Variants in SPATS2L observed in about 807,000 individuals in gnomAD.
SPATS2L encodes the protein SPATS2-like protein.
SPATS2L carries 30 observed loss-of-function variants against 59.6 expected under a neutral mutation model. The ratio of observed to expected loss-of-function variants is 0.50; its 90% CI spans 0.38 to 0.68. The LOEUF is 0.68. Ranked by LOEUF, SPATS2L falls within the 30% of genes least tolerant of loss-of-function variation. The pLI, the probability that SPATS2L is intolerant of heterozygous loss-of-function variation, is 0.00. For missense variants in SPATS2L, 615 were observed against 700.0 expected, an observed-to-expected ratio of 0.88 and a Z score of 1.37; for synonymous variants, 252 against 263.5, an observed-to-expected ratio of 0.96 and a Z score of 0.42.
intron 9 of SPATS2L, among the ~76,000 whole-genome samples, chr2:200,464,050 TTA>T (rs2086421989): frequency 6.6e-6 from 1 of 152,256 alleles, no homozygotes; most frequent in Non-Finnish European, 1.5e-5. Flanking sequence ...ATAATATTAA[TTA>T]AGTCTTGAAT....
chr2:200,397,849 A>G (rs955210609), intron 3 of SPATS2L, among the ~76,000 whole-genome samples: 14 of 152,024 alleles, frequency 9.2e-5, no homozygotes, highest in African/African-American at 3.1e-4. Flanking sequence ...AAACCCACAT[A>G]TTTGTTTTCT....
chr2:200,471,721 T>G (rs2087054989), intron 11 of SPATS2L, among the ~76,000 whole-genome samples: 1 of 152,164 alleles, frequency 6.6e-6, no homozygotes, highest in Non-Finnish European at 1.5e-5. Context: ...CAGCCCCAGC[T>G]TGCTGTCACA....
At chr2:200,410,184 A>C (rs909191828) in intron 3 of SPATS2L, among the ~76,000 whole-genome samples, 1 of 152,022 alleles carries the variant, frequency 6.6e-6, no homozygotes, top group Non-Finnish European at 1.5e-5. Context: ...ATTTTATGTA[A>C]TATGAACCCA....
intron 2 of SPATS2L, chr2:200,383,952 A>G: frequency 1.0e-6 from 1 of 1,002,302 alleles, no homozygotes; most frequent in Non-Finnish European, 1.2e-6. Flanking sequence ...GTGAAACTTT[A>G]TTACTGCCTA....
Position 200,479,773 on chromosome 2 carries a change from T to C in SPATS2L, c.*1742T>C, listed in dbSNP as rs1574783569. The C allele has an allele frequency of 7.5e-6, 3 of 398,582 alleles. No individual in the cohort carries two copies. The highest frequency in any genetic ancestry group is 4.4e-5 in the Admixed American group (1 of 22,716). 24.7% of individuals were successfully genotyped at this position (398,582 alleles called of 1,614,324 possible). On this transcript the variant is annotated 3_prime_UTR_variant, in exon 13 of 13. Transcript: ENST00000409140. ...CTGGTTCTCTTCCACAGAGCGGCCC[T>C]GAGCAGCTGAGCCTGCAAGCCACGC...
chr2:200,388,336 C>T (rs776919199), intron 2 of SPATS2L, among the ~76,000 whole-genome samples: 1 of 151,814 alleles, frequency 6.6e-6, no homozygotes, highest in Non-Finnish European at 1.5e-5. Flanking sequence ...TTTGGGAGGC[C>T]GAAGTGGTAG....
intron 10 of SPATS2L, among the ~76,000 whole-genome samples, chr2:200,468,379 CGCCTTCCAGCTTCTT>C (rs2086772503): frequency 1.3e-5 from 2 of 151,488 alleles, no homozygotes; most frequent in Non-Finnish European, 2.9e-5. Flanking sequence ...CACACACACA[CGCCTTCCAGCTTCTT>C]ACCCACTTCC....
chr2:200,432,664 C>A (rs1559127353), intron 6 of SPATS2L, among the ~76,000 whole-genome samples: 1 of 152,064 alleles, frequency 6.6e-6, no homozygotes, highest in African/African-American at 2.4e-5. Flanking sequence ...AAAGATTAGT[C>A]ATTAAAAACA....
In SPATS2L at chr2:200,466,979, G is replaced by A. The variant is rs202112608; in HGVS notation, c.848-311G>A. On this transcript the variant is annotated intron_variant, in intron 9 of 12. Coordinates refer to ENST00000409140, the MANE Select transcript of SPATS2L (RefSeq NM_001100423.2). ...TGTTGTTTTTCAGAGATCGTTGTTC[G>A]GAGTAACAAATTTCAAAAGTCTAAA... Among the ~76,000 whole-genome samples, 418 of 152,268 alleles carry A rather than the reference G, an allele frequency of 2.7e-3. 1 individual carries two copies. The highest frequency in any genetic ancestry group is 4.2e-3 in the Non-Finnish European group (284 of 68,022).
At chr2:200,368,627 T>C (rs1574509894) in intron 2 of SPATS2L, among the ~76,000 whole-genome samples, 1 of 152,358 alleles carries the variant, frequency 6.6e-6, no homozygotes, top group African/African-American at 2.4e-5. Flanking sequence ...CTTGGGGGAT[T>C]GTGACCACAA....
At chr2:200,368,543 G>A (rs558990122) in intron 2 of SPATS2L, among the ~76,000 whole-genome samples, 5 of 152,264 alleles carry the variant, frequency 3.3e-5, no homozygotes, top group African/African-American at 1.2e-4. Context: ...AGATTGGTTG[G>A]TAAAATAGAA....
chr2:200,468,588 G>A (rs541850682), intron 10 of SPATS2L, among the ~76,000 whole-genome samples: 11 of 152,162 alleles, frequency 7.2e-5, no homozygotes, highest in East Asian at 3.9e-4. Flanking sequence ...TGCTGAGGGC[G>A]TCAGTGGCCT....
rs986172244 is a variant in SPATS2L at position 200,434,928 on chromosome 2, T to C, written c.446-4194T>C. Among the ~76,000 whole-genome samples, 5 of 152,076 alleles carry C rather than the reference T, an allele frequency of 3.3e-5. No individual in the cohort carries two copies. The East Asian group carries it at 9.6e-4, about 29-fold the overall frequency. ...AGAGGAGTAAAGCAGTTACAGTAACTAGGACAGTGTAATGGTGGTGTGAGA... is the reference window on the plus strand; with the variant it reads ...AGAGGAGTAAAGCAGTTACAGTAACCAGGACAGTGTAATGGTGGTGTGAGA... On this transcript the variant is annotated intron_variant, in intron 6 of 12. Coordinates refer to ENST00000409140, the MANE Select transcript of SPATS2L (RefSeq NM_001100423.2).
chr2:200,343,607 T>A (rs2080406189), intron 2 of SPATS2L, among the ~76,000 whole-genome samples: 1 of 152,128 alleles, frequency 6.6e-6, no homozygotes, highest in Non-Finnish European at 1.5e-5. Context: ...AAGGAAATAA[T>A]TAAAGATATG....
intron 1 of SPATS2L, among the ~76,000 whole-genome samples, chr2:200,307,286 G>A (rs143647594): frequency 0.03 from 4,590 of 151,628 alleles, 238 homozygotes; most frequent in African/African-American, 0.1. Flanking sequence ...TCCCTCGCCT[G>A]CCGTCCTCCC....
At chr2:200,384,415 G>A (rs781644055) in intron 2 of SPATS2L, among the ~76,000 whole-genome samples, 59 of 152,150 alleles carry the variant, frequency 3.9e-4, no homozygotes, top group African/African-American at 1.2e-3. Flanking sequence ...GTGCAGTGGC[G>A]CAATCTCAGC....
intron 3 of SPATS2L, chr2:200,390,508 TG>T (rs1266070248): frequency 3.9e-5 from 6 of 152,316 alleles, no homozygotes; most frequent in Admixed American, 1.3e-4. Context: ...GACATTTGAT[TG>T]AGATAAAGAT....
At chr2:200,415,347 A>G (rs2083019040) in intron 4 of SPATS2L, among the ~76,000 whole-genome samples, 1 of 152,202 alleles carries the variant, frequency 6.6e-6, no homozygotes, top group South Asian at 2.1e-4. Context: ...GGACCCTACT[A>G]ATTTGAAATT....
At chr2:200,462,499 A>C (rs1297254610) in intron 9 of SPATS2L, among the ~76,000 whole-genome samples, 1 of 152,204 alleles carries the variant, frequency 6.6e-6, no homozygotes, top group African/African-American at 2.4e-5. Flanking sequence ...TGGTTTTTGA[A>C]CTAACCTCAG....
Sources: allele counts gnomAD v4.1 joint callset (sites outside exome capture counted in the v4.1 genomes callset), GRCh38; gene constraint gnomAD v4.1.1; transcripts MANE v1.5; gene names NCBI Gene and HGNC (gene_info 2026-07-23, HGNC 2026-07-21).